CACNA1D: variants seen among roughly 807,000 people sequenced by gnomAD.
CACNA1D encodes the protein calcium voltage-gated channel subunit alpha1 D.
CACNA1D carries 55 observed loss-of-function variants against 257.1 expected under a neutral mutation model. The observed-to-expected ratio is 0.21, with a 90% CI of 0.17 to 0.27. The LOEUF is 0.27. Ranked by LOEUF, CACNA1D falls within the 10% of genes least tolerant of loss-of-function variation. The pLI, the probability that CACNA1D is intolerant of heterozygous loss-of-function variation, is 1.00. For synonymous variants in CACNA1D, 980 were observed against 1,014.9 expected (o/e 0.97, Z 0.65); for missense variants, 1,876 against 2,784.0 (o/e 0.67, Z 7.34).
chr3:53,727,251 A>G (rs992897919), intron 15 of CACNA1D, among the ~76,000 whole-genome samples: 1 of 152,228 alleles, frequency 6.6e-6, no homozygotes, highest in Non-Finnish European at 1.5e-5. Flanking sequence ...AGCGTGAGAC[A>G]GCACACATAC....
intron 3 of CACNA1D, among the ~76,000 whole-genome samples, chr3:53,639,526 A>G (rs914529888): frequency 1.3e-5 from 2 of 151,996 alleles, no homozygotes; most frequent in African/African-American, 4.8e-5. Context: ...AGATGGGACT[A>G]CAGGTGCATG....
chr3:53,700,747 G>A (rs1037632687), intron 8 of CACNA1D, among the ~76,000 whole-genome samples: 24 of 152,150 alleles, frequency 1.6e-4, no homozygotes, highest in African/African-American at 5.5e-4. Flanking sequence ...ACAGGGGGTG[G>A]AGTGGAGACT....
At chr3:53,599,734 G>C (rs2093417968) in intron 3 of CACNA1D, among the ~76,000 whole-genome samples, 1 of 152,154 alleles carries the variant, frequency 6.6e-6, no homozygotes, top group Non-Finnish European at 1.5e-5. Flanking sequence ...TTACTAATTT[G>C]TACCTGAACC....
intron 10 of CACNA1D, 30 bp downstream of exon 10, chr3:53,718,418 C>T: frequency 6.3e-7 from 1 of 1,590,648 alleles, no homozygotes; most frequent in Non-Finnish European, 8.6e-7. Context: ...GCCCTCTTTC[C>T]CCTCCTGTTG....
intron 40 of CACNA1D, chr3:53,799,909 G>A (rs1252401571): frequency 1.6e-5 from 6 of 372,418 alleles, no homozygotes; most frequent in Non-Finnish European, 3.1e-5. Context: ...TTGTAGGCGA[G>A]CCTACTGAAG....
intron 3 of CACNA1D, among the ~76,000 whole-genome samples, chr3:53,566,531 G>C (rs2092841918): frequency 6.6e-6 from 1 of 151,996 alleles, no homozygotes; most frequent in Non-Finnish European, 1.5e-5. Flanking sequence ...CATATTCACT[G>C]TCTGCCCTCC....
At chr3:53,766,631 G>A (rs1381370515) in intron 30 of CACNA1D, among the ~76,000 whole-genome samples, 1 of 152,236 alleles carries the variant, frequency 6.6e-6, no homozygotes, top group East Asian at 1.9e-4. Flanking sequence ...TGTGGTAAGA[G>A]CCTGCTTGAG....
intron 8 of CACNA1D, among the ~76,000 whole-genome samples, chr3:53,676,639 A>G (rs904269351): frequency 6.6e-6 from 1 of 152,216 alleles, no homozygotes; most frequent in African/African-American, 2.4e-5. Context: ...CCATTTGGAA[A>G]TACCTGTATC....
chr3:53,778,716 G>C (rs185415322), intron 37 of CACNA1D, among the ~76,000 whole-genome samples: 1 of 152,296 alleles, frequency 6.6e-6, no homozygotes, highest in South Asian at 2.1e-4. Flanking sequence ...CAGAGAGGGT[G>C]TACCTCACCC....
intron 3 of CACNA1D, among the ~76,000 whole-genome samples, chr3:53,627,867 G>A (rs189959303): frequency 1.7e-3 from 256 of 152,052 alleles, no homozygotes; most frequent in Middle Eastern, 6.8e-3. Flanking sequence ...ACAAAAATTA[G>A]CCCAGTGTGG....
At chr3:53,596,168 G>T (rs1241647263) in intron 3 of CACNA1D, among the ~76,000 whole-genome samples, 1 of 152,074 alleles carries the variant, frequency 6.6e-6, no homozygotes, top group African/African-American at 2.4e-5. Context: ...TGCAATGCTG[G>T]GGACGGACAG....
At position 53,802,052 on chromosome 3, in the gene CACNA1D, A is replaced by G. The variant is rs2095538891; in HGVS notation, c.5409-95A>G. ...GGCGAATCATAATTTGCTAACCCCT[A>G]CTCTAGGAGGTAGCCTGATGTTTGC... On this transcript the variant is annotated intron_variant, in intron 42 of 47. Transcript: ENST00000350061. 1.3e-5 allele frequency: 14 copies of G among 1,094,566 alleles called. No homozygotes were observed. The East Asian group carries it at 1.9e-4, about 15-fold the overall frequency. The allele number at this position is 1,094,566 out of a possible 1,614,324, so 67.8% of individuals were successfully genotyped here.
At chr3:53,581,317 T>A (rs1387053847) in intron 3 of CACNA1D, among the ~76,000 whole-genome samples, 7 of 152,088 alleles carry the variant, frequency 4.6e-5, no homozygotes, top group Non-Finnish European at 1.0e-4. Context: ...ATGTAGAAAA[T>A]TTAGAATTCA....
intron 30 of CACNA1D, among the ~76,000 whole-genome samples, chr3:53,764,980 C>T (rs1019446364): frequency 6.6e-6 from 1 of 152,192 alleles, no homozygotes; most frequent in Non-Finnish European, 1.5e-5. Context: ...CCCAGGCCAG[C>T]AGAACACCAC....
chr3:53,802,303 G>A lies in CACNA1D; in HGVS notation c.5435+130G>A, dbSNP rs758811988. On this transcript the variant is annotated intron_variant, in intron 43 of 47. Coordinates refer to ENST00000350061, the MANE Select transcript of CACNA1D (RefSeq NM_001128840.3). ...TTAAAGGTTATCATAATTCATGGCT[G>A]TGGACTCAGAGGTCAGAGGTTGTTG... The A allele has an allele frequency of 5.9e-5, 50 of 846,474 alleles. 1 individual carries two copies. The highest frequency in any genetic ancestry group is 9.9e-5 in the Non-Finnish European group (48 of 484,690). The allele number at this position is 846,474 out of a possible 1,614,324, so 52.4% of individuals were successfully genotyped here. A position where few individuals can be genotyped will look rare whatever the true frequency, so the allele number is the denominator to read the frequency against.
At chr3:53,617,969 G>A (rs1379093843) in intron 3 of CACNA1D, among the ~76,000 whole-genome samples, 2 of 152,112 alleles carry the variant, frequency 1.3e-5, no homozygotes, top group Non-Finnish European at 2.9e-5. Context: ...TATGTTTTAG[G>A]TGCTCCATCA....
chr3:53,694,988 C>A (rs976497698), intron 8 of CACNA1D, among the ~76,000 whole-genome samples: 1 of 152,142 alleles, frequency 6.6e-6, no homozygotes. Flanking sequence ...GAGTATGGGG[C>A]GCATACCATT....
chr3:53,738,194 C>T (rs570382572), intron 20 of CACNA1D, among the ~76,000 whole-genome samples: 1 of 152,344 alleles, frequency 6.6e-6, no homozygotes, highest in South Asian at 2.1e-4. Context: ...GGTTAAGACA[C>T]ACCTGCAGAT....
intron 9 of CACNA1D, among the ~76,000 whole-genome samples, chr3:53,715,066 T>C (rs896054662): frequency 2.6e-5 from 4 of 152,122 alleles, no homozygotes; most frequent in Non-Finnish European, 5.9e-5. Flanking sequence ...CTTCTGGAAA[T>C]ATTTTGGAAA....
Sources: allele counts gnomAD v4.1 joint callset (sites outside exome capture counted in the v4.1 genomes callset), GRCh38; gene constraint gnomAD v4.1.1; transcripts MANE v1.5; gene names NCBI Gene and HGNC (gene_info 2026-07-23, HGNC 2026-07-21).